The following ADAMTS20 variants were observed in gnomAD, a reference collection of about 807,000 sequenced individuals.
ADAMTS20 encodes A disintegrin and metalloproteinase with thrombospondin motifs 20.
A neutral mutation model predicts 260.1 loss-of-function variants in ADAMTS20; 225 were observed. That is an observed-to-expected ratio of 0.87 (90% CI 0.78 to 0.97). The LOEUF is 0.97. Ranked by LOEUF, ADAMTS20 falls within the 50% of genes least tolerant of loss-of-function variation. The pLI, the probability that ADAMTS20 is intolerant of heterozygous loss-of-function variation, is 0.00. For missense variants in ADAMTS20, 2,400 were observed against 2,337.7 expected (o/e 1.03, Z -0.55); for synonymous variants, 802 against 769.5 (o/e 1.04, Z -0.70).
Position 43,446,639 on chromosome 12 carries a change from G to C in ADAMTS20, c.2153C>G (p.Ser718Cys), listed in dbSNP as rs1280909384. The change falls in exon 15 of 39, where the codon TCT (serine) becomes TGT (cysteine). Residue 718 changes from serine (S) to cysteine (C), a missense_variant. By Grantham distance (112) the Ser-to-Cys change is moderately radical. Coordinates refer to ENST00000389420, the MANE Select transcript of ADAMTS20 (RefSeq NM_025003.5). ...DKCGVCGGDNSSCKTITGVFN... is the reference protein window; with the variant it reads ...DKCGVCGGDNCSCKTITGVFN... ...GACACCTGTTATTGTCTTGCATGAA[G>C]AGTTGTCCCCACCACACACTCCACA... The C allele has an allele frequency of 2.5e-6, 4 of 1,613,368 alleles. No homozygotes were observed. The highest frequency in any genetic ancestry group is 3.4e-6 in the Non-Finnish European group (4 of 1,179,550).
intron 12 of ADAMTS20, 89 bp downstream of exon 12, chr12:43,453,818 A>T: frequency 2.1e-6 from 3 of 1,432,804 alleles, no homozygotes; most frequent in Admixed American, 4.7e-5. Context: ...TTACGGACTG[A>T]CCTCCAGTTT....
intron 3 of ADAMTS20, among the ~76,000 whole-genome samples, chr12:43,509,687 C>A (rs969378216): frequency 9.2e-5 from 14 of 152,022 alleles, no homozygotes; most frequent in Middle Eastern, 6.8e-3. Flanking sequence ...TAAGGGGAGG[C>A]AAGTGAACAA....
chr12:43,435,877 G>T (rs1027150299), intron 18 of ADAMTS20, among the ~76,000 whole-genome samples: 3 of 152,006 alleles, frequency 2.0e-5, no homozygotes, highest in Admixed American at 2.0e-4. Flanking sequence ...ACTGACCAGA[G>T]TCATTTGAAC....
At chr12:43,489,765 C>A in intron 7 of ADAMTS20, among the ~76,000 whole-genome samples, 1 of 151,622 alleles carries the variant, frequency 6.6e-6, no homozygotes, top group Non-Finnish European at 1.5e-5. Context: ...GTTCATGACA[C>A]AAAAAAGTAG....
intron 36 of ADAMTS20, among the ~76,000 whole-genome samples, chr12:43,374,158 G>A (rs1940170904): frequency 6.6e-6 from 1 of 152,102 alleles, no homozygotes; most frequent in Non-Finnish European, 1.5e-5. Context: ...ACAGTCTAGA[G>A]TTTATTATTG....
intron 37 of ADAMTS20, among the ~76,000 whole-genome samples, chr12:43,360,686 G>A (rs941355735): frequency 6.6e-6 from 1 of 152,070 alleles, no homozygotes. Flanking sequence ...GATATGCATG[G>A]AGACACAGAC....
chr12:43,431,525 T>C lies in ADAMTS20; in HGVS notation c.3097-29A>G, dbSNP rs758070029. The C allele has an allele frequency of 1.9e-6, 3 of 1,612,562 alleles. No individual in the cohort carries two copies. In the African/African-American group the frequency reaches 4.0e-5, roughly 22 times the overall value. ...TAAGAATAAAACTGATCATTATTTA[T>C]TTGCAGCATTAGTCAACACAAATGC... On this transcript the variant is annotated intron_variant, in intron 21 of 38. Transcript: ENST00000389420.
At chr12:43,519,798 C>T (rs1174360658) in intron 3 of ADAMTS20, among the ~76,000 whole-genome samples, 1 of 152,078 alleles carries the variant, frequency 6.6e-6, no homozygotes, top group South Asian at 2.1e-4. Context: ...AGAGAGATAA[C>T]GAATTCAGAA....
At chr12:43,467,279 G>A (rs116596691) in intron 8 of ADAMTS20, among the ~76,000 whole-genome samples, 144 of 152,024 alleles carry the variant, frequency 9.5e-4, no homozygotes, top group African/African-American at 3.3e-3. Flanking sequence ...TACTATTTTA[G>A]GTCCATACTT....
chr12:43,468,761 A>C, intron 7 of ADAMTS20, 56 bp from the exon 8 acceptor site: 1 of 1,022,806 alleles, frequency 9.8e-7, no homozygotes, highest in Non-Finnish European at 1.5e-6. Flanking sequence ...CAAAATCATA[A>C]AGAACTTAAT....
At chr12:43,512,190 T>TA (rs1469596472) in intron 3 of ADAMTS20, among the ~76,000 whole-genome samples, 1 of 150,416 alleles carries the variant, frequency 6.6e-6, no homozygotes, top group Non-Finnish European at 1.5e-5. Flanking sequence ...GGATAATTTT[T>TA]ATATGATGAT....
At chr12:43,419,375 G>A (rs920320157) in intron 28 of ADAMTS20, among the ~76,000 whole-genome samples, 3 of 151,972 alleles carry the variant, frequency 2.0e-5, no homozygotes, top group African/African-American at 7.2e-5. Context: ...TGATAATGTA[G>A]AAATTAAAGT....
At chr12:43,529,681 T>G (rs1943194312) in intron 3 of ADAMTS20, among the ~76,000 whole-genome samples, 1 of 151,996 alleles carries the variant, frequency 6.6e-6, no homozygotes. Flanking sequence ...GGGTGCGGAA[T>G]AAAAATCTAC....
chr12:43,399,212 C>T lies in ADAMTS20; in HGVS notation c.4306G>A (p.Gly1436Ser). 6.5e-7 allele frequency: 1 copy of T among 1,543,854 alleles called. No individual in the cohort carries two copies. The highest frequency in any genetic ancestry group is 8.7e-7 in the Non-Finnish European group (1 of 1,146,898). ...WTSCSASCGKGRKYREVFCID... is the reference protein window; with the variant it reads ...WTSCSASCGKSRKYREVFCID... ...CAAAACACTTCACGGTACTTTCTAC[C>T]TTTACCACAAGAAGCTGAGCACTAG... Residue 1436 changes from glycine (G) to serine (S), a missense_variant, in exon 29 of 39, where the codon GGT (glycine) becomes AGT (serine). Transcript: ENST00000389420.
chr12:43,550,847 T>G (rs1943501550), intron 2 of ADAMTS20, 62 bp downstream of exon 2: 13 of 1,459,788 alleles, frequency 8.9e-6, no homozygotes, highest in Non-Finnish European at 1.0e-5. Flanking sequence ...CAAGGCCCCG[T>G]TCGCTGAATG....
At chr12:43,467,954 A>C (rs1206061865) in intron 8 of ADAMTS20, among the ~76,000 whole-genome samples, 1 of 152,090 alleles carries the variant, frequency 6.6e-6, no homozygotes, top group Non-Finnish European at 1.5e-5. Context: ...GTACATTTAG[A>C]ATCTTTTTTC....
At chr12:43,404,536 A>G (rs1255204881) in intron 28 of ADAMTS20, among the ~76,000 whole-genome samples, 1 of 152,226 alleles carries the variant, frequency 6.6e-6, no homozygotes, top group Non-Finnish European at 1.5e-5. Flanking sequence ...AATTAAAATT[A>G]AGAGTAAGCA....
chr12:43,410,492 A>G (rs991769983), intron 28 of ADAMTS20, among the ~76,000 whole-genome samples: 2 of 152,254 alleles, frequency 1.3e-5, no homozygotes, highest in Admixed American at 1.3e-4. Flanking sequence ...TTCAAAGTAC[A>G]GTACACTACT....
chr12:43,467,006 A>C (rs1942166443), intron 8 of ADAMTS20, among the ~76,000 whole-genome samples: 1 of 132,648 alleles, frequency 7.5e-6, no homozygotes, highest in African/African-American at 2.6e-5. Context: ...GTGATCTGGC[A>C]TCTGAATCTA....
Sources: allele counts gnomAD v4.1 joint callset (sites outside exome capture counted in the v4.1 genomes callset), GRCh38; gene constraint gnomAD v4.1.1; transcripts MANE v1.5; gene names NCBI Gene and HGNC (gene_info 2026-07-23, HGNC 2026-07-21).